Variants in NR3C2 observed in about 807,000 individuals in gnomAD.
NR3C2 encodes the protein nuclear receptor subfamily 3 group C member 2, also known as mineralocorticoid receptor.
Under a neutral mutation model 86.4 loss-of-function variants are expected in NR3C2, and 15 were observed. The observed-to-expected ratio is 0.17, with a 90% CI of 0.12 to 0.27. The LOEUF is 0.27. Among genes scored for constraint, NR3C2 ranks in the 10% least tolerant of loss-of-function variants. NR3C2 has a pLI of 1.00. For synonymous variants in NR3C2, 458 were observed against 450.5 expected (o/e 1.02, Z -0.21); for missense variants, 960 against 1,195.6 (o/e 0.80, Z 2.91).
At chr4:148,382,839 G>A (rs1747068387) in intron 2 of NR3C2, among the ~76,000 whole-genome samples, 1 of 152,090 alleles carries the variant, frequency 6.6e-6, no homozygotes, top group Non-Finnish European at 1.5e-5. Context: ...TTAAAAGGAA[G>A]AAACAGGATC....
chr4:148,379,261 T>A (rs975567384), intron 2 of NR3C2, among the ~76,000 whole-genome samples: 5 of 152,048 alleles, frequency 3.3e-5, no homozygotes, highest in African/African-American at 4.8e-5. Context: ...TTTTTTTTTT[T>A]AAATACCAGA....
At chr4:148,177,408 G>A (rs10519942) in intron 4 of NR3C2, among the ~76,000 whole-genome samples, 15,705 of 152,092 alleles carry the variant, frequency 0.1, 966 homozygotes, top group South Asian at 0.21. Context: ...TAGCTGAATG[G>A]TTTTCGGTAC....
chr4:148,278,532 G>C (rs1741073635), intron 2 of NR3C2, among the ~76,000 whole-genome samples: 1 of 152,070 alleles, frequency 6.6e-6, no homozygotes, highest in South Asian at 2.1e-4. Context: ...AGACTAAATA[G>C]GAATGCATGA....
At chr4:148,352,621 A>G (rs549304722) in intron 2 of NR3C2, among the ~76,000 whole-genome samples, 4 of 152,288 alleles carry the variant, frequency 2.6e-5, no homozygotes, top group African/African-American at 7.2e-5. Flanking sequence ...TTGGTCGCTG[A>G]TCTCTATTTA....
intron 3 of NR3C2, chr4:148,208,448 G>A (rs1737115313): frequency 6.6e-6 from 1 of 152,208 alleles, no homozygotes; most frequent in African/African-American, 2.4e-5. Context: ...CTGTTAATAG[G>A]TTTTGTGCCT....
At chr4:148,174,624 C>T (rs1438449226) in intron 4 of NR3C2, among the ~76,000 whole-genome samples, 1 of 152,224 alleles carries the variant, frequency 6.6e-6, no homozygotes, top group Non-Finnish European at 1.5e-5. Flanking sequence ...TGCTCTGCGT[C>T]TCCCCAGGGG....
In NR3C2 at chr4:148,436,329, G is replaced by C; in HGVS notation, c.532C>G (p.Arg178Gly). 1 of 1,614,140 alleles carries C rather than the reference G, an allele frequency of 6.2e-7. No individual in the cohort carries two copies. The highest frequency in any genetic ancestry group is 8.5e-7 in the Non-Finnish European group (1 of 1,180,030). Residue 178 changes from arginine (R) to glycine (G), a missense_variant, in exon 2 of 9, where the codon CGC becomes GGC. Coordinates refer to ENST00000358102, the MANE Select transcript of NR3C2 (RefSeq NM_000901.5). ...ATGATAGGGCTTTTAACAACGGCGC[G>C]CATGACGCCACCATTCACGGAGCTC... Reference protein sequence around the residue: ...SGSSVNGGVMRAVVKSPIMCH... With the variant: ...SGSSVNGGVMGAVVKSPIMCH...
chr4:148,097,741 G>GTTTTCTTTT (rs1731349658), intron 8 of NR3C2, among the ~76,000 whole-genome samples: 1 of 107,504 alleles, frequency 9.3e-6, no homozygotes, highest in Non-Finnish European at 1.8e-5. Flanking sequence ...ACTTTTTTGC[G>GTTTTCTTTT]TTTTTTTTTG....
In NR3C2 at chr4:148,207,920, A is replaced by G. The variant is rs539022645; in HGVS notation, c.1898-13058T>C. ...CACAGTAATTAAATAATAGACTGTA[A>G]TAAAAGCTATTTGGATGTGATCTCT... On this transcript the variant is annotated intron_variant, in intron 3 of 8. Transcript: ENST00000358102. The G allele has an allele frequency of 3.3e-5, 5 of 152,378 alleles. No individual in the cohort carries two copies. In the East Asian group the frequency reaches 9.6e-4, roughly 29 times the overall value. The allele number at this position is 152,378 out of a possible 1,614,324, so 9.4% of individuals were successfully genotyped here. A position where few individuals can be genotyped will look rare whatever the true frequency, so the allele number is the denominator to read the frequency against.
At chr4:148,388,899 A>G (rs1277761954) in intron 2 of NR3C2, among the ~76,000 whole-genome samples, 2 of 152,202 alleles carry the variant, frequency 1.3e-5, no homozygotes, top group African/African-American at 2.4e-5. Flanking sequence ...ATCCATAGCA[A>G]GCAGTTGGAA....
chr4:148,323,197 CA>C (rs1472435015), intron 2 of NR3C2, among the ~76,000 whole-genome samples: 6 of 123,984 alleles, frequency 4.8e-5, no homozygotes, highest in African/African-American at 1.1e-4. Context: ...GCTCGGGGGT[CA>C]GGGGTCAGGG....
intron 4 of NR3C2, among the ~76,000 whole-genome samples, chr4:148,178,939 A>AC (rs1735516651): frequency 6.6e-6 from 1 of 150,932 alleles, no homozygotes; most frequent in Admixed American, 6.6e-5. Flanking sequence ...AGGTAAAAAA[A>AC]AAAAAAAACA....
chr4:148,360,598 G>C (rs1745788799), intron 2 of NR3C2, among the ~76,000 whole-genome samples: 1 of 152,018 alleles, frequency 6.6e-6, no homozygotes, highest in Non-Finnish European at 1.5e-5. Context: ...ATAAGTATCC[G>C]ACATATTAAT....
intron 2 of NR3C2, among the ~76,000 whole-genome samples, chr4:148,265,126 G>A (rs1306621500): frequency 6.6e-6 from 1 of 152,100 alleles, no homozygotes; most frequent in East Asian, 1.9e-4. Context: ...ATATTATAAA[G>A]GCAGAAATGA....
chr4:148,089,852 C>T (rs537152151), intron 8 of NR3C2, among the ~76,000 whole-genome samples: 2 of 152,368 alleles, frequency 1.3e-5, no homozygotes, highest in African/African-American at 2.4e-5. Flanking sequence ...TGCACACCCA[C>T]CGCAGCGCTC....
chr4:148,134,377 A>G (rs72651901), intron 6 of NR3C2, among the ~76,000 whole-genome samples: 9 of 152,210 alleles, frequency 5.9e-5, no homozygotes, highest in Non-Finnish European at 1.0e-4. Context: ...TATTCAATGT[A>G]TAGTCTAAAT....
chr4:148,085,521 A>G (rs1251919807), intron 8 of NR3C2, among the ~76,000 whole-genome samples: 2 of 152,258 alleles, frequency 1.3e-5, no homozygotes, highest in Non-Finnish European at 2.9e-5. Context: ...ATAGCACTAA[A>G]TGCCCACAGG....
intron 2 of NR3C2, among the ~76,000 whole-genome samples, chr4:148,419,047 C>T (rs1175419543): frequency 6.6e-6 from 1 of 152,120 alleles, no homozygotes; most frequent in Non-Finnish European, 1.5e-5. Flanking sequence ...GTATCTCTAG[C>T]CTGTTTACAT....
intron 8 of NR3C2, among the ~76,000 whole-genome samples, chr4:148,081,714 T>A (rs1318709849): frequency 6.6e-6 from 1 of 152,152 alleles, no homozygotes; most frequent in Non-Finnish European, 1.5e-5. Context: ...AACAAACAAA[T>A]TCAGCTGAGA....
Sources: gnomAD v4.1 joint callset for allele counts (sites outside exome capture counted in the v4.1 genomes callset) on GRCh38, gnomAD v4.1.1 for gene constraint, MANE v1.5 for transcripts, NCBI Gene and HGNC (gene_info 2026-07-23, HGNC 2026-07-21) for gene names.